Variants in TTLL8 observed in about 807,000 individuals in gnomAD.
TTLL8 encodes protein monoglycylase TTLL8.
TTLL8 carries 65 observed loss-of-function variants against 77.8 expected under a neutral mutation model. The observed-to-expected ratio is 0.84, with a 90% CI of 0.68 to 1.03. The LOEUF is 1.03. Ranked by LOEUF, TTLL8 falls within the 50% of genes least tolerant of loss-of-function variation. The pLI, the probability that TTLL8 is intolerant of heterozygous loss-of-function variation, is 0.00. For synonymous variants in TTLL8, 402 were observed against 422.8 expected (o/e 0.95, Z 0.60); for missense variants, 910 against 1,004.5 (o/e 0.91, Z 1.27).
At chr22:50,030,143 G>T (rs997417050) in intron 12 of TTLL8, 12 of 979,502 alleles carry the variant, frequency 1.2e-5, no homozygotes, top group Non-Finnish European at 1.5e-5. Flanking sequence ...CACCCCAGAG[G>T]TATGGGGACA....
exon 2 of TTLL8, chr22:50,050,173 C>G: frequency 7.3e-7 from 1 of 1,366,276 alleles, no homozygotes; most frequent in South Asian, 1.1e-5. Context: ...GGAACTTCTT[C>G]TCTACCCAGC....
In TTLL8 at chr22:50,034,895, G is replaced by A. The variant is rs571454800; in HGVS notation, c.922-433C>T. ...CCTGTGGTTGGTGGTGCCTGGGACC[G>A]ACCCCTGGTAGGAAAGTGGCCGGCC... On this transcript the variant is annotated intron_variant, in intron 8 of 13. Coordinates refer to ENST00000266182, the Ensembl canonical transcript of TTLL8. The surrounding 1 kb of genome is among the most constrained non-coding windows in gnomAD (Gnocchi z 4.1). Among the ~76,000 whole-genome samples the A allele has an allele frequency of 7.9e-5, 12 of 152,308 alleles. No individual in the cohort carries two copies. The highest frequency in any genetic ancestry group is 2.6e-4 in the Admixed American group (4 of 15,308).
At chr22:50,039,576 T>C (rs1174561300) in intron 8 of TTLL8, among the ~76,000 whole-genome samples, 1 of 152,142 alleles carries the variant, frequency 6.6e-6, no homozygotes, top group African/African-American at 2.4e-5. Context: ...ACAGAGAATA[T>C]CTTAAAGCAT....
At chr22:50,043,120 CAGT>C (rs1290669270) in intron 6 of TTLL8, among the ~76,000 whole-genome samples, 1 of 149,224 alleles carries the variant, frequency 6.7e-6, no homozygotes, top group Non-Finnish European at 1.5e-5. Flanking sequence ...GACAGATAAA[CAGT>C]GGTGCCGAGA....
Position 50,030,875 on chromosome 22 carries a change from GC to G in TTLL8, c.1757del (p.Gly586AlafsTer4). The G allele has an allele frequency of 7.5e-7, 1 of 1,327,082 alleles. No individual in the cohort carries two copies. Among genetic ancestry groups the G allele is most frequent in the Non-Finnish European group, 9.9e-7 (1 of 1,006,656 alleles). The allele number at this position is 1,327,082 out of a possible 1,614,324, so 82.2% of individuals were successfully genotyped here. ...GCCTCCTGGCTCTCCTCACACTGAC[GC>G]CCGCCACGCAGAGGTCGGACCCGCT... On this transcript the variant is annotated frameshift_variant, in exon 12 of 14. Coordinates refer to ENST00000266182, the Ensembl canonical transcript of TTLL8. LOFTEE classifies it high-confidence loss of function.
At chr22:50,047,941 A>G (rs2146690629) in intron 3 of TTLL8, among the ~76,000 whole-genome samples, 1 of 152,258 alleles carries the variant, frequency 6.6e-6, no homozygotes, top group Non-Finnish European at 1.5e-5. Context: ...TACTAAAAAT[A>G]CAAAAATTAG....
intron 8 of TTLL8, among the ~76,000 whole-genome samples, chr22:50,035,469 G>C (rs1386957308): frequency 6.6e-6 from 1 of 152,162 alleles, no homozygotes; most frequent in African/African-American, 2.4e-5. Context: ...CCCCTGTAGG[G>C]ACAAGCCCCT....
At chr22:50,048,177 G>A (rs1377767428) in intron 3 of TTLL8, among the ~76,000 whole-genome samples, 1 of 151,692 alleles carries the variant, frequency 6.6e-6, no homozygotes, top group African/African-American at 2.4e-5. Context: ...TAACCACTGG[G>A]TACTGGGGTG....
chr22:50,052,517 C>T (rs1429465325), intron 1 of TTLL8, among the ~76,000 whole-genome samples: 3 of 152,140 alleles, frequency 2.0e-5, no homozygotes, highest in African/African-American at 7.2e-5. Flanking sequence ...AACAGACACA[C>T]CTGAATACAT....
intron 12 of TTLL8, among the ~76,000 whole-genome samples, chr22:50,029,615 C>T (rs898759127): frequency 1.1e-4 from 17 of 152,184 alleles, no homozygotes; most frequent in Non-Finnish European, 2.1e-4. Context: ...CCTGTGGTCC[C>T]AGCTACTCGG....
exon 4 of TTLL8, chr22:50,047,192 T>G: frequency 7.3e-7 from 1 of 1,367,504 alleles, no homozygotes; most frequent in Non-Finnish European, 9.8e-7. Context: ...AGGCTGTCTT[T>G]GCGTAGTGGT....
At chr22:50,042,396 C>T (rs191872491) in intron 6 of TTLL8, among the ~76,000 whole-genome samples, 130 of 152,264 alleles carry the variant, frequency 8.5e-4, no homozygotes, top group Non-Finnish European at 1.4e-3. Flanking sequence ...CTGCAACCTC[C>T]GCCTCCTGGG....
At chr22:50,036,015 G>A (rs2061333763) in intron 8 of TTLL8, among the ~76,000 whole-genome samples, 1 of 152,264 alleles carries the variant, frequency 6.6e-6, no homozygotes, top group Non-Finnish European at 1.5e-5. Context: ...GCACCGCGCA[G>A]GAGCTGGCAA....
chr22:50,054,797 C>T (rs1170992139), upstream of TTLL8, among the ~76,000 whole-genome samples: 1 of 152,226 alleles, frequency 6.6e-6, no homozygotes, highest in Non-Finnish European at 1.5e-5. Context: ...GTCACTCATG[C>T]CTGTAATCCC....
intron 12 of TTLL8, among the ~76,000 whole-genome samples, chr22:50,020,797 GACAAC>G (rs2061191810): frequency 6.8e-6 from 1 of 146,622 alleles, no homozygotes; most frequent in East Asian, 2.1e-4. Context: ...TCCGCCATCT[GACAAC>G]ATGCACTCCT....
rs1424635769 is a variant in TTLL8 at position 50,041,844 on chromosome 22, C to T, written c.644-37G>A. On this transcript the variant is annotated intron_variant, in intron 6 of 13. Transcript: ENST00000266182. The surrounding 1 kb of genome is among the most constrained non-coding windows in gnomAD (Gnocchi z 4.3). ...ACACAGGCACATGCAGTGGGAACCT[C>T]ACCCAGGGGCAGCCCTGCCCGCCTC... 2 of 1,330,962 alleles carry T rather than the reference C, an allele frequency of 1.5e-6. No homozygotes were observed. Among genetic ancestry groups the T allele is most frequent in the Non-Finnish European group, 2.0e-6 (2 of 1,007,692 alleles). The allele number at this position is 1,330,962 out of a possible 1,614,324, so 82.4% of individuals were successfully genotyped here.
chr22:50,038,130 T>C (rs1337797468), intron 8 of TTLL8, among the ~76,000 whole-genome samples: 2 of 152,242 alleles, frequency 1.3e-5, no homozygotes, highest in African/African-American at 4.8e-5. Context: ...TATTTGATGT[T>C]AGTGTATTGT....
chr22:50,021,280 T>TGAC (rs2146622317), intron 12 of TTLL8, among the ~76,000 whole-genome samples: 1 of 148,396 alleles, frequency 6.7e-6, no homozygotes, highest in African/African-American at 2.5e-5. Context: ...CTCCTCCATC[T>TGAC]GATGTGCACT....
At position 50,046,026 on chromosome 22, in the gene TTLL8, G is replaced by T. The variant is rs548787326; in HGVS notation, c.394-56C>A. 20 of 1,294,478 alleles carry T rather than the reference G, an allele frequency of 1.5e-5. No homozygotes were observed. The South Asian group carries it at 2.5e-4, about 16-fold the overall frequency. 80.2% of individuals were successfully genotyped at this position (1,294,478 alleles called of 1,614,324 possible). ...GGGCAGCTCAGCTCAGCTCTGCCTC[G>T]CTCACAAGGCGAGGACGGGCCGTCC... is the stretch of plus-strand genomic sequence containing the variant. On this transcript the variant is annotated intron_variant, in intron 4 of 13. Coordinates refer to ENST00000266182, the Ensembl canonical transcript of TTLL8.
Sources: gnomAD v4.1 joint callset for allele counts (sites outside exome capture counted in the v4.1 genomes callset) on GRCh38, gnomAD v4.1.1 for gene constraint, Gnocchi (gnomAD v3.1) non-coding constraint, MANE v1.5 for transcripts, NCBI Gene and HGNC (gene_info 2026-07-23, HGNC 2026-07-21) for gene names.